The following TEX14 variants were observed in gnomAD, a reference collection of about 807,000 sequenced individuals.
TEX14 encodes the protein testis expressed 14, intercellular bridge forming factor, also known as inactive serine/threonine-protein kinase TEX14.
A neutral mutation model predicts 178.6 loss-of-function variants in TEX14; 168 were observed. The ratio of observed to expected loss-of-function variants is 0.94; its 90% CI spans 0.83 to 1.07. The LOEUF is 1.07. Among genes scored for constraint, TEX14 ranks in the 50% least tolerant of loss-of-function variants. TEX14 has a pLI of 0.00. For synonymous variants in TEX14, 626 were observed against 634.1 expected, an observed-to-expected ratio of 0.99 and a Z score of 0.19; for missense variants, 1,730 against 1,753.6, an observed-to-expected ratio of 0.99 and a Z score of 0.24.
chr17:58,638,816 A>G (rs2046500323), intron 2 of TEX14, among the ~76,000 whole-genome samples: 1 of 149,736 alleles, frequency 6.7e-6, no homozygotes, highest in Non-Finnish European at 1.5e-5. Flanking sequence ...CTGGGATTAC[A>G]GGCATGAGCC....
intron 11 of TEX14, 79 bp from the exon 12 acceptor site, chr17:58,602,669 T>TG: frequency 2.5e-6 from 3 of 1,196,028 alleles, no homozygotes; most frequent in Non-Finnish European, 3.5e-6. Context: ...CAGATGAAGC[T>TG]GGGTAACCTT....
chr17:58,630,452 G>C lies in TEX14; in HGVS notation c.239C>G (p.Ser80Ter), dbSNP rs2046261140. The change falls in exon 3 of 32, where the codon TCA becomes TGA. Residue 80 changes from serine (S) to a stop codon, truncating the protein, a stop_gained. Transcript: ENST00000349033. LOFTEE classifies it high-confidence loss of function. ...TTATTGTACTTACTGATTTGGATCT[G>C]ATCCATAATCCACCAGAACATCAAC... The part of the protein sequence containing the change: ...KFVDVLVDYG[S>*]DPNHRCFDGS... 1 of 1,610,552 alleles carries C rather than the reference G, an allele frequency of 6.2e-7. No homozygotes were observed. The highest frequency in any genetic ancestry group is 8.5e-7 in the Non-Finnish European group (1 of 1,176,964).
chr17:58,643,119 T>C (rs986980415), intron 2 of TEX14, among the ~76,000 whole-genome samples: 7 of 152,216 alleles, frequency 4.6e-5, no homozygotes, highest in Non-Finnish European at 1.0e-4. Context: ...AATTCATGAA[T>C]GTATTGTTCC....
chr17:58,666,690 G>A (rs1474476855), intron 1 of TEX14: 2 of 152,112 alleles, frequency 1.3e-5, no homozygotes, highest in Non-Finnish European at 2.9e-5. Flanking sequence ...CTCCTGACAG[G>A]TAATTATGAG....
At chr17:58,685,996 CAA>C (rs34156664) in intron 1 of TEX14, among the ~76,000 whole-genome samples, 12 of 82,636 alleles carry the variant, frequency 1.5e-4, no homozygotes, top group Admixed American at 3.4e-4. Flanking sequence ...CTCTGTCTCA[CAA>C]AAAAAAAAAA....
intron 25 of TEX14, 59 bp downstream of exon 25, chr17:58,570,326 A>G: frequency 9.2e-7 from 1 of 1,085,532 alleles, no homozygotes; most frequent in Non-Finnish European, 1.3e-6. Flanking sequence ...AAGATTGATA[A>G]GCATCAATTT....
chr17:58,612,051 C>A (rs1193677588), intron 9 of TEX14, among the ~76,000 whole-genome samples: 1 of 152,188 alleles, frequency 6.6e-6, no homozygotes, highest in Non-Finnish European at 1.5e-5. Context: ...ACTCCAAGAG[C>A]TCTCTAAACC....
intron 1 of TEX14, among the ~76,000 whole-genome samples, chr17:58,656,296 T>C (rs966556374): frequency 7.2e-5 from 11 of 151,936 alleles, no homozygotes; most frequent in Non-Finnish European, 1.3e-4. Flanking sequence ...AATACAAAAA[T>C]TAGCCGGATG....
chr17:58,631,923 C>G (rs989974789), intron 2 of TEX14: 2 of 152,204 alleles, frequency 1.3e-5, no homozygotes, highest in African/African-American at 4.8e-5. Flanking sequence ...ATTTTCCTCT[C>G]GAAAATATTA....
intron 1 of TEX14, among the ~76,000 whole-genome samples, chr17:58,653,005 C>G (rs1051222440): frequency 1.3e-5 from 2 of 152,156 alleles, no homozygotes; most frequent in African/African-American, 4.8e-5. Context: ...GGCGCGATCT[C>G]AGCTCACTGC....
At chr17:58,557,692 G>A (rs2044173261) in intron 31 of TEX14, 107 bp downstream of exon 31, 2 of 812,766 alleles carry the variant, frequency 2.5e-6, no homozygotes, top group Admixed American at 2.5e-5. Context: ...GTCTAAATTG[G>A]AGTCTTTGTC....
At chr17:58,649,816 C>T (rs533777536) in intron 2 of TEX14, among the ~76,000 whole-genome samples, 15 of 150,398 alleles carry the variant, frequency 1.0e-4, no homozygotes, top group East Asian at 2.0e-4. Flanking sequence ...CTCAGCTCAC[C>T]GCAACCTCCA....
chr17:58,582,332 T>C (rs2044841061), intron 19 of TEX14, among the ~76,000 whole-genome samples: 1 of 152,188 alleles, frequency 6.6e-6, no homozygotes, highest in Non-Finnish European at 1.5e-5. Flanking sequence ...CGATCTTGGC[T>C]CACTGCAACC....
At chr17:58,613,107 C>T (rs905286426) in intron 9 of TEX14, among the ~76,000 whole-genome samples, 65 of 151,590 alleles carry the variant, frequency 4.3e-4, no homozygotes, top group Non-Finnish European at 8.1e-4. Flanking sequence ...GAGGCTGAGG[C>T]AGGAGAATCA....
intron 13 of TEX14, 62 bp downstream of exon 13, chr17:58,601,744 C>T: frequency 1.4e-6 from 2 of 1,476,714 alleles, no homozygotes; most frequent in Non-Finnish European, 1.9e-6. Flanking sequence ...TTAGTTGCAG[C>T]TCATGTGACT....
chr17:58,559,493 T>C lies in TEX14; in HGVS notation c.4227A>G (p.Glu1409=), dbSNP rs7225128. The C allele has an allele frequency of 0.81, 1,261,316 of 1,554,508 alleles. 514,330 individuals carry two copies. The highest frequency in any genetic ancestry group is 1 in the East Asian group (44,468 of 44,492). Residue 1409 remains glutamate, a synonymous_variant, in exon 30 of 32, where the codon GAA becomes GAG. Transcript: ENST00000349033. ...CTAGAACACCCTCTGATTTCCTTCT[T>C]TCTGGTGTAATGCTATCTTCCCTTT... ...KRKREDSITP[E]RRKSEGVLGT...
intron 21 of TEX14, among the ~76,000 whole-genome samples, chr17:58,574,584 G>T (rs967885781): frequency 1.3e-4 from 18 of 139,774 alleles, no homozygotes; most frequent in African/African-American, 4.8e-4. Flanking sequence ...GCTGAGACAG[G>T]AATTGCTTGA....
chr17:58,686,861 CTTTTTTTTTTTTTT>C lies in TEX14; in HGVS notation c.-2+5064_-2+5077del, dbSNP rs71143271. 1.6e-3 allele frequency among the ~76,000 whole-genome samples: 116 copies of C among 71,540 alleles called. 2 individuals carry two copies. Among genetic ancestry groups the C allele is most frequent in the Non-Finnish European group, 2.0e-3 (77 of 39,408 alleles). 46.9% of individuals were successfully genotyped at this position (71,540 alleles called of 152,430 possible). ...AACCCACTTGAACATGAAAGGTCAC[CTTTTTTTTTTTTTT>C]TTTTTTTTTTTTTTTTGAGATGCAG... On this transcript the variant is annotated intron_variant, in intron 1 of 31. Transcript: ENST00000349033.
chr17:58,630,369 A>C, intron 3 of TEX14, 71 bp downstream of exon 3: 1 of 1,237,202 alleles, frequency 8.1e-7, no homozygotes, highest in South Asian at 1.2e-5. Flanking sequence ...CGTTTTTCTA[A>C]TTAGTTTCTA....
Sources: gnomAD v4.1 joint callset for allele counts (sites outside exome capture counted in the v4.1 genomes callset) on GRCh38, gnomAD v4.1.1 for gene constraint, MANE v1.5 for transcripts, NCBI Gene and HGNC (gene_info 2026-07-23, HGNC 2026-07-21) for gene names.